The following RRN3 variants were observed in gnomAD, a reference collection of about 807,000 sequenced individuals.
RRN3 encodes the protein RNA polymerase I-specific transcription initiation factor RRN3.
Under a neutral mutation model 82.3 loss-of-function variants are expected in RRN3, and 38 were observed. That is an observed-to-expected ratio of 0.46 (90% CI 0.36 to 0.61). The LOEUF (loss-of-function observed/expected upper bound fraction) is 0.61. Among genes scored for constraint, RRN3 ranks in the 20% least tolerant of loss-of-function variants. The probability of loss-of-function intolerance (pLI) is 0.00; values close to 1 mark genes in which losing one functional copy is unlikely to be tolerated. For missense variants in RRN3, 726 were observed against 793.1 expected (o/e 0.92, Z 1.02); for synonymous variants, 284 against 284.3 (o/e 1.00, Z 0.01).
Position 15,061,661 on chromosome 16 carries a change from C to T in RRN3, c.*83G>A. The T allele has an allele frequency of 7.4e-7, 1 of 1,360,492 alleles. No individual in the cohort carries two copies. The highest frequency in any genetic ancestry group is 1.0e-6 in the Non-Finnish European group (1 of 974,102). 84.3% of individuals were successfully genotyped at this position (1,360,492 alleles called of 1,614,324 possible). A position where few individuals can be genotyped will look rare whatever the true frequency, so the allele number is the denominator to read the frequency against. On this transcript the variant is annotated 3_prime_UTR_variant, in exon 18 of 18. Coordinates refer to ENST00000198767, the MANE Select transcript of RRN3 (RefSeq NM_018427.5). ...TCGCTCTAGTTCAATGCCATCAATG[C>T]CCAATGGCACAAGCTGGGTGCTGAG... is the stretch of plus-strand genomic sequence containing the variant.
intron 6 of RRN3, 138 bp from the exon 7 acceptor site, chr16:15,084,843 A>G: frequency 1.5e-6 from 1 of 676,148 alleles, no homozygotes; most frequent in Non-Finnish European, 2.7e-6. Context: ...AGGTGGGTGG[A>G]TCACCTGAGG....
intron 8 of RRN3, among the ~76,000 whole-genome samples, chr16:15,082,999 A>G (rs1046265000): frequency 3.3e-5 from 5 of 152,264 alleles, no homozygotes; most frequent in Admixed American, 6.5e-5. Flanking sequence ...GCACATAGTA[A>G]TAACAGAAAA....
chr16:15,091,773 C>T (rs183782362), intron 2 of RRN3, among the ~76,000 whole-genome samples: 2 of 152,304 alleles, frequency 1.3e-5, no homozygotes, highest in East Asian at 3.9e-4. Flanking sequence ...CATTTTCCCT[C>T]TACTGCTGAG....
chr16:15,065,596 T>C (rs1034340976), intron 15 of RRN3, among the ~76,000 whole-genome samples: 1 of 152,152 alleles, frequency 6.6e-6, no homozygotes, highest in African/African-American at 2.4e-5. Flanking sequence ...TGGCTATCAC[T>C]CAGAATGTGA....
At chr16:15,071,389 A>G in intron 12 of RRN3, 138 bp from the exon 13 acceptor site, 1 of 824,146 alleles carries the variant, frequency 1.2e-6, no homozygotes, top group South Asian at 2.0e-5. Flanking sequence ...TTCATTTTTA[A>G]AACACATTGA....
At chr16:15,091,244 A>G in intron 3 of RRN3, 71 bp downstream of exon 3, 1 of 1,581,530 alleles carries the variant, frequency 6.3e-7, no homozygotes, top group Non-Finnish European at 8.6e-7. Context: ...ACAGAATGGG[A>G]CCCAAAGAGC....
At chr16:15,068,366 T>C (rs1199754863) in intron 14 of RRN3, 89 bp from the exon 15 acceptor site, 4 of 1,462,064 alleles carry the variant, frequency 2.7e-6, no homozygotes, top group Non-Finnish European at 3.6e-6. Flanking sequence ...TATCACACAT[T>C]TAAAAAAAAC....
At chr16:15,084,169 CAT>C (rs2045821205) in intron 7 of RRN3, among the ~76,000 whole-genome samples, 1 of 152,178 alleles carries the variant, frequency 6.6e-6, no homozygotes. Flanking sequence ...TCCCACTACA[CAT>C]GTATATTATT....
chr16:15,090,766 T>C (rs1216053293), intron 3 of RRN3, among the ~76,000 whole-genome samples: 3 of 152,162 alleles, frequency 2.0e-5, no homozygotes, highest in Admixed American at 1.3e-4. Flanking sequence ...TAATAAACCA[T>C]TCTCTTCAAA....
At chr16:15,069,296 C>T (rs1180211334) in intron 14 of RRN3, among the ~76,000 whole-genome samples, 2 of 152,052 alleles carry the variant, frequency 1.3e-5, no homozygotes, top group Admixed American at 1.3e-4. Flanking sequence ...GAGGACAGCC[C>T]CCGACGATGA....
At chr16:15,079,288 G>T (rs1485406253) in intron 9 of RRN3, among the ~76,000 whole-genome samples, 1 of 152,064 alleles carries the variant, frequency 6.6e-6, no homozygotes, top group African/African-American at 2.4e-5. Flanking sequence ...CATTCCCACT[G>T]CACCTTAGTG....
In RRN3 at chr16:15,073,090, A is replaced by T. The variant is rs1166983255; in HGVS notation, c.998-10T>A. 5.6e-6 allele frequency: 9 copies of T among 1,602,888 alleles called. No homozygotes were observed. The highest frequency in any genetic ancestry group is 7.6e-6 in the Non-Finnish European group (9 of 1,177,526). ...CCGTTATCAACCTTACCTATGGAGAAAATCTGGCATCTCAGTTTTTATAAA... is the reference window on the plus strand; with the variant it reads ...CCGTTATCAACCTTACCTATGGAGATAATCTGGCATCTCAGTTTTTATAAA... On this transcript the variant is annotated splice_polypyrimidine_tract_variant and intron_variant, in intron 11 of 17. Coordinates refer to ENST00000198767, the MANE Select transcript of RRN3 (RefSeq NM_018427.5).
intron 3 of RRN3, among the ~76,000 whole-genome samples, chr16:15,087,877 G>A (rs1410767016): frequency 2.0e-5 from 3 of 152,170 alleles, no homozygotes; most frequent in African/African-American, 7.2e-5. Context: ...CACTTTGGGA[G>A]GCCGAGGTGG....
At chr16:15,082,043 A>G (rs1445966194) in intron 8 of RRN3, among the ~76,000 whole-genome samples, 2 of 152,190 alleles carry the variant, frequency 1.3e-5, no homozygotes, top group Admixed American at 1.3e-4. Flanking sequence ...TGACATATAA[A>G]ATCACCTTGC....
intron 8 of RRN3, among the ~76,000 whole-genome samples, chr16:15,082,930 T>C (rs1246386523): frequency 5.3e-5 from 8 of 152,232 alleles, no homozygotes; most frequent in Non-Finnish European, 8.8e-5. Flanking sequence ...TAGTAATTCT[T>C]GTCCATATGA....
chr16:15,069,745 C>A (rs1420896900), intron 14 of RRN3, among the ~76,000 whole-genome samples: 1 of 152,210 alleles, frequency 6.6e-6, no homozygotes, highest in Non-Finnish European at 1.5e-5. Context: ...GTGCATCCAA[C>A]TGAAGCTTTG....
intron 9 of RRN3, among the ~76,000 whole-genome samples, chr16:15,079,185 C>T (rs2045595016): frequency 6.6e-6 from 1 of 152,164 alleles, no homozygotes; most frequent in South Asian, 2.1e-4. Context: ...TGAAGGATTC[C>T]TTTCCCTTAC....
chr16:15,064,010 T>C (rs1288307474), intron 16 of RRN3, among the ~76,000 whole-genome samples: 1 of 152,196 alleles, frequency 6.6e-6, no homozygotes, highest in East Asian at 1.9e-4. Flanking sequence ...CTGGTTTCAG[T>C]CAACCAAGAC....
At chr16:15,085,481 GA>G (rs896349103) in intron 6 of RRN3, among the ~76,000 whole-genome samples, 157 bp downstream of exon 6, 1 of 151,692 alleles carries the variant, frequency 6.6e-6, no homozygotes, top group Non-Finnish European at 1.5e-5. Context: ...GAAAATATTT[GA>G]AAAAAAATGT....
Sources: allele counts gnomAD v4.1 joint callset (sites outside exome capture counted in the v4.1 genomes callset), GRCh38; gene constraint gnomAD v4.1.1; transcripts MANE v1.5; gene names NCBI Gene and HGNC (gene_info 2026-07-23, HGNC 2026-07-21).